PRORP: variants seen among roughly 807,000 people sequenced by gnomAD.
PRORP encodes mitochondrial ribonuclease P catalytic subunit.
Under a neutral mutation model 59.4 loss-of-function variants are expected in PRORP, and 51 were observed. The observed-to-expected ratio is 0.86, with a 90% CI of 0.69 to 1.08. The LOEUF is 1.08. Among genes scored for constraint, PRORP ranks in the 50% least tolerant of loss-of-function variants. PRORP has a pLI of 0.00. For synonymous variants in PRORP, 231 were observed against 245.6 expected (o/e 0.94, Z 0.55); for missense variants, 646 against 690.3 (o/e 0.94, Z 0.72).
rs536444358 is a variant in PRORP at position 35,233,227 on chromosome 14, A to AT, written c.1276-33500_1276-33499insT. On this transcript the variant is annotated intron_variant, in intron 5 of 7. Coordinates refer to ENST00000534898, the MANE Select transcript of PRORP (RefSeq NM_014672.4). ...AAAACTCCCTTCACTCATGGAGCTAACATTGTTTCTGATAGGTACTTACCA... is the reference window on the plus strand; with the variant it reads ...AAAACTCCCTTCACTCATGGAGCTAATCATTGTTTCTGATAGGTACTTACCA... 3.3e-5 allele frequency among the ~76,000 whole-genome samples: 5 copies of AT among 150,184 alleles called. No homozygotes were observed. The East Asian group carries it at 9.6e-4, about 29-fold the overall frequency.
At chr14:35,224,962 C>G (rs1347610652) in intron 5 of PRORP, among the ~76,000 whole-genome samples, 2 of 152,028 alleles carry the variant, frequency 1.3e-5, no homozygotes, top group African/African-American at 4.8e-5. Flanking sequence ...CGAATGATGT[C>G]CTTTAATCTA....
chr14:35,188,961 A>AAAAAAAAAAAGAAAG (rs1555326788), intron 5 of PRORP, among the ~76,000 whole-genome samples: 2 of 132,776 alleles, frequency 1.5e-5, no homozygotes, highest in African/African-American at 2.9e-5. Flanking sequence ...AAAAAAAAAA[A>AAAAAAAAAAAGAAAG]AAAGTATTGC....
chr14:35,242,060 C>G (rs2050383023), intron 5 of PRORP, among the ~76,000 whole-genome samples: 1 of 152,102 alleles, frequency 6.6e-6, no homozygotes, highest in Admixed American at 6.6e-5. Flanking sequence ...AAGGTACACA[C>G]ATTTGGTAAA....
At chr14:35,199,379 T>C (rs1281083743) in intron 5 of PRORP, among the ~76,000 whole-genome samples, 1 of 151,948 alleles carries the variant, frequency 6.6e-6, no homozygotes, top group African/African-American at 2.4e-5. Context: ...TGCTATAGTT[T>C]GAATGTGTCC....
intron 5 of PRORP, among the ~76,000 whole-genome samples, chr14:35,201,951 C>G (rs1319426259): frequency 6.7e-6 from 1 of 150,130 alleles, no homozygotes; most frequent in Non-Finnish European, 1.5e-5. Context: ...AGTCACCGTG[C>G]CCCGCCACAA....
chr14:35,123,876 A>G lies in PRORP; in HGVS notation c.631A>G (p.Arg211Gly), dbSNP rs143311469. Reference protein sequence around the residue: ...MKARYKTLEPRGYSLLIRGLI... With the variant: ...MKARYKTLEPGGYSLLIRGLI... Reference sequence around the variant, plus strand: ...AGCCAGATATAAGACTTTAGAACCTAGAGGTTACAGTCTTCTCATCCGGGG... The same window carrying G: ...AGCCAGATATAAGACTTTAGAACCTGGAGGTTACAGTCTTCTCATCCGGGG... Residue 211 changes from arginine to glycine, a missense_variant, in exon 2 of 8, where the codon AGA (arginine) becomes GGA (glycine). Coordinates refer to ENST00000534898, the MANE Select transcript of PRORP (RefSeq NM_014672.4). 217 of 1,614,068 alleles carry G rather than the reference A, an allele frequency of 1.3e-4. No individual in the cohort carries two copies. The highest frequency in any genetic ancestry group is 1.8e-4 in the Non-Finnish European group (210 of 1,180,036).
intron 5 of PRORP, among the ~76,000 whole-genome samples, chr14:35,218,152 A>C (rs2049654165): frequency 6.6e-6 from 1 of 152,140 alleles, no homozygotes; most frequent in Non-Finnish European, 1.5e-5. Context: ...CCCTCCTGTC[A>C]AGCTAAAAAA....
chr14:35,136,263 A>G (rs2047370158), intron 4 of PRORP, among the ~76,000 whole-genome samples: 1 of 152,152 alleles, frequency 6.6e-6, no homozygotes. Flanking sequence ...GATGGGGTGA[A>G]CAAACTCTCA....
rs763780554 is a variant in PRORP at position 35,140,271 on chromosome 14, G to A, written c.1167+12660G>A. On this transcript the variant is annotated intron_variant, in intron 4 of 7. Coordinates refer to ENST00000534898, the MANE Select transcript of PRORP (RefSeq NM_014672.4). ...TCGCTTTTTCAGAAACTGCCCAACTGTTTTCCAGAGTGGTTGTACCATTTT... is the reference window on the plus strand; with the variant it reads ...TCGCTTTTTCAGAAACTGCCCAACTATTTTCCAGAGTGGTTGTACCATTTT... 1.5e-4 allele frequency among the ~76,000 whole-genome samples: 22 copies of A among 144,576 alleles called. 2 individuals carry two copies. Among genetic ancestry groups the A allele is most frequent in the Non-Finnish European group, 3.4e-4 (22 of 65,240 alleles). The allele number at this position is 144,576 out of a possible 152,430, so 94.8% of individuals were successfully genotyped here. A position where few individuals can be genotyped will look rare whatever the true frequency, so the allele number is the denominator to read the frequency against.
At position 35,143,400 on chromosome 14, in the gene PRORP, G is replaced by A. The variant is rs940385208; in HGVS notation, c.1167+15789G>A. The stretch of plus-strand genomic sequence containing the variant: ...TGGTCTCGAACTCCTGACCTCAAGT[G>A]ATCCAGCCGCCTCGGCTTCCCAAAG... On this transcript the variant is annotated intron_variant, in intron 4 of 7. Transcript: ENST00000534898. 1.4e-5 allele frequency among the ~76,000 whole-genome samples: 2 copies of A among 145,352 alleles called. 1 individual carries two copies. The highest frequency in any genetic ancestry group is 3.1e-5 in the Non-Finnish European group (2 of 65,482).
rs563604855 is a variant in PRORP at position 35,246,054 on chromosome 14, T to C, written c.1276-20673T>C. 1.2e-4 allele frequency among the ~76,000 whole-genome samples: 19 copies of C among 152,330 alleles called. No homozygotes were observed. In the East Asian group the frequency reaches 3.7e-3, roughly 29 times the overall value. On this transcript the variant is annotated intron_variant, in intron 5 of 7. Transcript: ENST00000534898. ...CAGTGTTTTATGCTCCCAGTGTTAC[T>C]CTTGAAGTCTGAAGACATTCTGGCT...
intron 5 of PRORP, among the ~76,000 whole-genome samples, chr14:35,226,595 G>A (rs531072515): frequency 6.6e-6 from 1 of 152,228 alleles, no homozygotes; most frequent in South Asian, 2.1e-4. Flanking sequence ...TGATGGGTTG[G>A]GGGGAGTAAT....
At chr14:35,145,676 C>T (rs1359371271) in intron 4 of PRORP, among the ~76,000 whole-genome samples, 9 of 139,080 alleles carry the variant, frequency 6.5e-5, no homozygotes, top group Non-Finnish European at 1.3e-4. Flanking sequence ...GCTGAGATCG[C>T]GCCACTGCAC....
intron 5 of PRORP, among the ~76,000 whole-genome samples, chr14:35,228,093 A>C (rs1024097110): frequency 6.6e-6 from 1 of 152,330 alleles, no homozygotes; most frequent in African/African-American, 2.4e-5. Context: ...CAGTGAGCCA[A>C]GATCGCGCCA....
rs910250633 is a variant in PRORP, at chr14:35,181,683, G to T, written c.1275+906G>T. 4.0e-5 allele frequency among the ~76,000 whole-genome samples: 6 copies of T among 151,374 alleles called. No individual in the cohort carries two copies. In the East Asian group the frequency reaches 1.2e-3, roughly 30 times the overall value. On this transcript the variant is annotated intron_variant, in intron 5 of 7. Coordinates refer to ENST00000534898, the MANE Select transcript of PRORP (RefSeq NM_014672.4). ...ACCTGTAATCCCAGCTACTCGGGAG[G>T]CTGAGGCAGGAGAATTGCTTGAACC...
intron 4 of PRORP, among the ~76,000 whole-genome samples, chr14:35,135,957 CAA>C (rs112374315): frequency 2.1e-4 from 19 of 91,656 alleles, no homozygotes; most frequent in Admixed American, 2.5e-4. Flanking sequence ...GACTCTGTCT[CAA>C]AAAAAAAAAA....
intron 5 of PRORP, among the ~76,000 whole-genome samples, chr14:35,192,102 A>G (rs866799159): frequency 4.1e-4 from 63 of 152,288 alleles, no homozygotes; most frequent in Non-Finnish European, 3.5e-4. Flanking sequence ...GGATTATAGT[A>G]ACTCTCATTA....
At chr14:35,205,886 C>G (rs1431272578) in intron 5 of PRORP, among the ~76,000 whole-genome samples, 1 of 152,082 alleles carries the variant, frequency 6.6e-6, no homozygotes, top group Non-Finnish European at 1.5e-5. Context: ...TCCATGCTAC[C>G]CCTGCCACCA....
rs190842974 is a variant in PRORP at position 35,211,506 on chromosome 14, G to A, written c.1275+30729G>A. Among the ~76,000 whole-genome samples, 38 of 152,204 alleles carry A rather than the reference G, an allele frequency of 2.5e-4. No individual in the cohort carries two copies. In the East Asian group the frequency reaches 6.6e-3, roughly 26 times the overall value. ...AACTATCAGCCAAGAAGAAATATACGTATACTGCAGAGATATTGCAAGTTT... is the reference window on the plus strand; with the variant it reads ...AACTATCAGCCAAGAAGAAATATACATATACTGCAGAGATATTGCAAGTTT... On this transcript the variant is annotated intron_variant, in intron 5 of 7. Transcript: ENST00000534898.
Sources: allele counts gnomAD v4.1 joint callset (sites outside exome capture counted in the v4.1 genomes callset), GRCh38; gene constraint gnomAD v4.1.1; transcripts MANE v1.5; gene names NCBI Gene and HGNC (gene_info 2026-07-23, HGNC 2026-07-21).